RAB27A: variants seen among roughly 807,000 people sequenced by gnomAD.
The protein encoded by RAB27A is RAB27A, member RAS oncogene family.
RAB27A carries 17 observed loss-of-function variants against 20.8 expected under a neutral mutation model. That is an observed-to-expected ratio of 0.82 (90% CI 0.56 to 1.23). The LOEUF is 1.23. Among genes scored for constraint, RAB27A ranks in the 50% most tolerant of loss-of-function variants. The probability of loss-of-function intolerance (pLI) is 0.00; values close to 1 mark genes in which losing one functional copy is unlikely to be tolerated. For missense variants in RAB27A, 277 were observed against 266.7 expected (o/e 1.04, Z -0.27); for synonymous variants, 85 against 92.8 (o/e 0.92, Z 0.48).
intron 2 of RAB27A, among the ~76,000 whole-genome samples, chr15:55,304,482 G>GAA (rs71437808): frequency 0.02 from 2,929 of 148,920 alleles, 96 homozygotes; most frequent in African/African-American, 0.068. Context: ...TTAAAAAAAA[G>GAA]AAAAAAAAAA....
chr15:55,226,532 T>A (rs896428239), intron 5 of RAB27A, among the ~76,000 whole-genome samples: 2 of 150,234 alleles, frequency 1.3e-5, no homozygotes, highest in Middle Eastern at 3.4e-3. Flanking sequence ...TGTGTGTGTG[T>A]GTGAGTGTGT....
intron 6 of RAB27A, among the ~76,000 whole-genome samples, chr15:55,206,975 A>G (rs1894682703): frequency 6.6e-6 from 1 of 152,216 alleles, no homozygotes; most frequent in Admixed American, 6.5e-5. Flanking sequence ...GAATTAAAGT[A>G]ATAAACAAGA....
At chr15:55,304,525 C>A (rs1485041956) in intron 2 of RAB27A, among the ~76,000 whole-genome samples, 1 of 152,118 alleles carries the variant, frequency 6.6e-6, no homozygotes, top group South Asian at 2.1e-4. Flanking sequence ...CTCCATCCCC[C>A]CTTCATTCAA....
At chr15:55,210,137 ATATG>A (rs1273104942) in intron 6 of RAB27A, among the ~76,000 whole-genome samples, 5 of 129,294 alleles carry the variant, frequency 3.9e-5, no homozygotes, top group East Asian at 2.1e-4. Flanking sequence ...TATAGTGTAT[ATATG>A]TATGTGTATG....
Position 55,203,307 on chromosome 15 carries a change from C to T in RAB27A, c.*2200G>A, listed in dbSNP as rs1894479641. ...TTAATGTGTTATTCTAACACAAATA[C>T]ACCATATAGAATATGCCCTGATATG... On this transcript the variant is annotated 3_prime_UTR_variant, in exon 7 of 7. Coordinates refer to ENST00000336787, the MANE Select transcript of RAB27A (RefSeq NM_183235.3). 1 of 151,938 alleles carries T rather than the reference C, an allele frequency of 6.6e-6. No individual in the cohort carries two copies. Among genetic ancestry groups the T allele is most frequent in the Non-Finnish European group, 1.5e-5 (1 of 68,014 alleles). 9.4% of individuals were successfully genotyped at this position (151,938 alleles called of 1,614,324 possible). A position where few individuals can be genotyped will look rare whatever the true frequency, so the allele number is the denominator to read the frequency against.
At chr15:55,260,952 G>A (rs1897247938) in intron 2 of RAB27A, among the ~76,000 whole-genome samples, 1 of 151,808 alleles carries the variant, frequency 6.6e-6, no homozygotes, top group Non-Finnish European at 1.5e-5. Flanking sequence ...TGTGTCAATA[G>A]AGGTTCATCA....
At chr15:55,272,579 T>C (rs1897741813) in intron 1 of RAB27A, among the ~76,000 whole-genome samples, 1 of 152,234 alleles carries the variant, frequency 6.6e-6, no homozygotes, top group Non-Finnish European at 1.5e-5. Flanking sequence ...CAACAAAACC[T>C]TTTTTGGATG....
At chr15:55,299,861 C>T (rs2054964452) in intron 2 of RAB27A, among the ~76,000 whole-genome samples, 2 of 150,182 alleles carry the variant, frequency 1.3e-5, no homozygotes, top group Admixed American at 1.3e-4. Context: ...CACTCTGTCA[C>T]CCAGGCTGGA....
At chr15:55,262,874 T>C (rs1016317966) in intron 2 of RAB27A, among the ~76,000 whole-genome samples, 3 of 152,158 alleles carry the variant, frequency 2.0e-5, no homozygotes, top group African/African-American at 7.2e-5. Context: ...CATGTCTTGA[T>C]TCTAACATTT....
Position 55,308,962 on chromosome 15 carries a change from C to T in RAB27A, c.-112+5077G>A, listed in dbSNP as rs150502540. On this transcript the variant is annotated intron_variant, in intron 2 of 5. Coordinates refer to the RAB27A transcript ENST00000563262. ...GGTATGCCACGGGTTGCAAGCTCGT[C>T]CCTCGGACCTGTGTAAGGACTCCTA... Among the ~76,000 whole-genome samples the T allele has an allele frequency of 8.3e-3, 1,264 of 152,340 alleles. 17 individuals are homozygous for T. Among genetic ancestry groups the T allele is most frequent in the African/African-American group, 0.029 (1,214 of 41,572 alleles).
At chr15:55,238,858 T>C (rs975901541) in intron 2 of RAB27A, among the ~76,000 whole-genome samples, 12 of 143,460 alleles carry the variant, frequency 8.4e-5, no homozygotes, top group African/African-American at 3.6e-4. Flanking sequence ...AAAAAGAGGT[T>C]CAAATCCATA....
intron 2 of RAB27A, among the ~76,000 whole-genome samples, chr15:55,265,693 G>C (rs968452026): frequency 6.6e-6 from 1 of 152,058 alleles, no homozygotes; most frequent in African/African-American, 2.4e-5. Context: ...ATCTTGGGCT[G>C]ACTGATGCGG....
At chr15:55,300,718 A>G (rs1387030064) in intron 2 of RAB27A, among the ~76,000 whole-genome samples, 1 of 152,006 alleles carries the variant, frequency 6.6e-6, no homozygotes, top group African/African-American at 2.4e-5. Context: ...TGACTTACAT[A>G]TAGTTTTCAT....
rs770442896 is a variant in RAB27A at position 55,209,902 on chromosome 15, ATG to A, written c.468-4199_468-4198del. Among the ~76,000 whole-genome samples, 465 of 119,702 alleles carry A rather than the reference ATG, an allele frequency of 3.9e-3. 58 individuals are homozygous for A. Among genetic ancestry groups the A allele is most frequent in the East Asian group, 0.019 (89 of 4,572 alleles). 78.5% of individuals were successfully genotyped at this position (119,702 alleles called of 152,430 possible). On this transcript the variant is annotated intron_variant, in intron 6 of 6. Transcript: ENST00000336787. ...TGTGTGTGTATACATATATACACATATGTGTGTGTATGTATATACACACATAT... is the reference window on the plus strand; with the variant it reads ...TGTGTGTGTATACATATATACACATATGTGTGTATGTATATACACACATAT...
At chr15:55,224,129 G>A in intron 5 of RAB27A, 117 bp from the exon 6 acceptor site, 2 of 760,474 alleles carry the variant, frequency 2.6e-6, no homozygotes, top group Non-Finnish European at 4.3e-6. Context: ...ATTGGGAATT[G>A]ACATAATGCT....
intron 3 of RAB27A, among the ~76,000 whole-genome samples, chr15:55,232,649 A>T (rs1349331216): frequency 6.6e-6 from 1 of 152,220 alleles, no homozygotes; most frequent in East Asian, 1.9e-4. Flanking sequence ...TCTCTAGCAG[A>T]CCTATCCTAC....
intron 6 of RAB27A, among the ~76,000 whole-genome samples, chr15:55,216,590 C>T (rs1206491510): frequency 6.6e-6 from 1 of 151,480 alleles, no homozygotes; most frequent in Non-Finnish European, 1.5e-5. Context: ...TCACTAGCAA[C>T]ATGGTAAACA....
intron 1 of RAB27A, among the ~76,000 whole-genome samples, chr15:55,272,805 T>A (rs1897747417): frequency 6.6e-6 from 1 of 152,176 alleles, no homozygotes. Flanking sequence ...TAGAGGTAAC[T>A]GATTAGCAGA....
chr15:55,228,539 G>T, intron 5 of RAB27A, 70 bp downstream of exon 5: 3 of 1,157,636 alleles, frequency 2.6e-6, no homozygotes, highest in South Asian at 1.2e-5. Flanking sequence ...CACAGAAGTA[G>T]AGCATAAGAG....
Sources: allele counts gnomAD v4.1 joint callset (sites outside exome capture counted in the v4.1 genomes callset), GRCh38; gene constraint gnomAD v4.1.1; transcripts MANE v1.5; gene names NCBI Gene and HGNC (gene_info 2026-07-23, HGNC 2026-07-21).